NSD2: variants seen among roughly 807,000 people sequenced by gnomAD.
The protein encoded by NSD2 is histone-lysine N-methyltransferase NSD2.
A neutral mutation model predicts 139.0 loss-of-function variants in NSD2; 12 were observed. The ratio of observed to expected loss-of-function variants is 0.09; its 90% CI spans 0.06 to 0.14. The LOEUF (loss-of-function observed/expected upper bound fraction) is 0.14, where lower values mean the gene tolerates loss of function less well. Ranked by LOEUF, NSD2 falls within the 10% of genes least tolerant of loss-of-function variation. The pLI, the probability that NSD2 is intolerant of heterozygous loss-of-function variation, is 1.00. For synonymous variants in NSD2, 669 were observed against 648.7 expected, an observed-to-expected ratio of 1.03 and a Z score of -0.48; for missense variants, 1,155 against 1,745.0, an observed-to-expected ratio of 0.66 and a Z score of 6.02.
chr4:1,914,605 C>T (rs1055918391), intron 3 of NSD2, among the ~76,000 whole-genome samples: 2 of 151,522 alleles, frequency 1.3e-5, no homozygotes, highest in Non-Finnish European at 2.9e-5. Flanking sequence ...GGATTACAGG[C>T]GTGAGCCACT....
intron 3 of NSD2, among the ~76,000 whole-genome samples, chr4:1,904,889 G>A (rs1305069890): frequency 7.2e-5 from 11 of 152,158 alleles, no homozygotes; most frequent in Admixed American, 7.2e-4. Context: ...CCAACACTTT[G>A]GGAGGCCGAG....
rs571138999 is a variant in NSD2, at chr4:1,924,740, C to G, written c.1411-5886C>G. Among the ~76,000 whole-genome samples the G allele has an allele frequency of 1.5e-3, 220 of 148,550 alleles. 1 individual carries two copies. The highest frequency in any genetic ancestry group is 5.2e-3 in the African/African-American group (208 of 40,134). The stretch of plus-strand genomic sequence containing the variant: ...AGCCTGGGCAACACAGTGAGACTCT[C>G]ATCTCTACAAAAAAAAAAACAAAAC... On this transcript the variant is annotated intron_variant, in intron 5 of 21. Transcript: ENST00000508803.
At chr4:1,872,294 G>A (rs1463931132) in intron 1 of NSD2, among the ~76,000 whole-genome samples, 1 of 152,170 alleles carries the variant, frequency 6.6e-6, no homozygotes, top group Admixed American at 6.5e-5. Context: ...GATGCAGATT[G>A]ATAGTCCTTG....
chr4:1,938,371 C>G (rs375604703), intron 7 of NSD2, 80 bp from the exon 8 acceptor site: 5 of 1,025,908 alleles, frequency 4.9e-6, no homozygotes, highest in East Asian at 3.4e-5. Flanking sequence ...TTTTGTTGTT[C>G]TTTTTCTTTT....
intron 18 of NSD2, among the ~76,000 whole-genome samples, chr4:1,971,430 A>C (rs1161193544): frequency 1.3e-5 from 2 of 152,156 alleles, no homozygotes; most frequent in Non-Finnish European, 2.9e-5. Context: ...CTCTTAATTG[A>C]AGGCAGAGAT....
intron 3 of NSD2, among the ~76,000 whole-genome samples, chr4:1,907,954 C>A (rs1455784344): frequency 6.6e-6 from 1 of 152,074 alleles, no homozygotes; most frequent in East Asian, 1.9e-4. Context: ...GGCACTGTTA[C>A]CCCCAAATAC....
chr4:1,934,864 AAAAAAAAAAAAAAAAT>A (rs1441677944), intron 6 of NSD2, among the ~76,000 whole-genome samples: 40 of 95,088 alleles, frequency 4.2e-4, no homozygotes, highest in Middle Eastern at 5.4e-3. Context: ...AAAAAAAAAA[AAAAAAAAAAAAAAAAT>A]ATATATATAT....
Position 1,974,209 on chromosome 4 carries a change from G to A in NSD2, c.3373-654G>A, listed in dbSNP as rs1726817279. On this transcript the variant is annotated intron_variant, in intron 18 of 21. Transcript: ENST00000508803. This position sits in a 1 kb window ranked among gnomAD's most constrained non-coding sequence, Gnocchi z 4.0. The stretch of plus-strand genomic sequence containing the variant: ...GCATCCTTTGCTGGTTTTCGGTTGG[G>A]TGAGTCTTTTTTTTTTTTGAGACGG... Among the ~76,000 whole-genome samples the A allele has an allele frequency of 6.6e-6, 1 of 151,612 alleles. No homozygotes were observed. Among genetic ancestry groups the A allele is most frequent in the Admixed American group, 6.6e-5 (1 of 15,228 alleles).
In NSD2 at chr4:1,972,300, T is replaced by C. The variant is rs536310845; in HGVS notation, c.3373-2563T>C. On this transcript the variant is annotated intron_variant, in intron 18 of 21. Transcript: ENST00000508803. The surrounding 1 kb of genome is among the most constrained non-coding windows in gnomAD (Gnocchi z 4.0). ...TGGATGAGTGGCGGTACAGGCTATGTCTCAGCTGGGAAAGGAGAGGCTGTG... is the reference window on the plus strand; with the variant it reads ...TGGATGAGTGGCGGTACAGGCTATGCCTCAGCTGGGAAAGGAGAGGCTGTG... Among the ~76,000 whole-genome samples, 2 of 152,304 alleles carry C rather than the reference T, an allele frequency of 1.3e-5. No individual in the cohort carries two copies. Among genetic ancestry groups the C allele is most frequent in the East Asian group, 3.9e-4 (2 of 5,180 alleles).
At chr4:1,940,577 A>C in intron 9 of NSD2, 1 of 1,063,590 alleles carries the variant, frequency 9.4e-7, no homozygotes, top group Non-Finnish European at 1.1e-6. Context: ...TGGAGTTTTA[A>C]TTTCTTGTTA....
chr4:1,927,366 A>T (rs1330179096), intron 5 of NSD2, among the ~76,000 whole-genome samples: 3 of 152,132 alleles, frequency 2.0e-5, no homozygotes, highest in South Asian at 4.1e-4. Flanking sequence ...GTCGTCTTGG[A>T]GGGTGGATAC....
chr4:1,888,257 C>T (rs531787658), intron 1 of NSD2, among the ~76,000 whole-genome samples: 2 of 151,854 alleles, frequency 1.3e-5, no homozygotes, highest in South Asian at 2.1e-4. Context: ...ACTAAAAATA[C>T]AAAAATTAGC....
Position 1,887,903 on chromosome 4 carries a change from CT to C in NSD2, c.-29-12716del, listed in dbSNP as rs928214666. Among the ~76,000 whole-genome samples the C allele has an allele frequency of 5.4e-3, 817 of 151,410 alleles. 5 individuals are homozygous for C. Among genetic ancestry groups the C allele is most frequent in the African/African-American group, 0.019 (786 of 41,124 alleles). ...TCAGTTACACTAGATCTGTCAGTTC[CT>C]TTTTTTCTTTTTTTTTTCTTCTGTG... On this transcript the variant is annotated intron_variant, in intron 1 of 21. Transcript: ENST00000508803.
At chr4:1,943,489 G>A (rs1306155929) in intron 9 of NSD2, 3 of 1,046,630 alleles carry the variant, frequency 2.9e-6, no homozygotes, top group East Asian at 5.6e-5. Flanking sequence ...CATGAAAAGT[G>A]GTCCTCTTGA....
At chr4:1,894,533 G>T (rs749746437) in intron 1 of NSD2, among the ~76,000 whole-genome samples, 53 of 152,016 alleles carry the variant, frequency 3.5e-4, no homozygotes, top group Non-Finnish European at 1.3e-4. Flanking sequence ...ATTAGCCAGT[G>T]TGGTGGTGCA....
intron 6 of NSD2, 117 bp downstream of exon 6, chr4:1,930,887 T>G: frequency 7.4e-7 from 1 of 1,355,200 alleles, no homozygotes; most frequent in Admixed American, 2.4e-5. Context: ...TTCTGACCCG[T>G]GGGGTTTGGG....
intron 1 of NSD2, among the ~76,000 whole-genome samples, chr4:1,892,551 C>T (rs775420062): frequency 6.6e-4 from 101 of 151,950 alleles, no homozygotes; most frequent in Non-Finnish European, 1.1e-3. Flanking sequence ...TCCTGTCCCC[C>T]TTAGAAAACC....
Position 1,900,749 on chromosome 4 carries a change from A to C in NSD2, c.95A>C (p.Asn32Thr). 1 of 1,614,192 alleles carries C rather than the reference A, an allele frequency of 6.2e-7. No individual in the cohort carries two copies. Among genetic ancestry groups the C allele is most frequent in the Non-Finnish European group, 8.5e-7 (1 of 1,180,036 alleles). The change falls in exon 2 of 22, where the codon AAC (asparagine) becomes ACC (threonine). Residue 32 changes from asparagine (N) to threonine (T), a missense_variant. By Grantham distance (65) the Asn-to-Thr change is moderately conservative. Around this residue, in one of 8 missense-constraint regions of NSD2, gnomAD observed 246 missense variants for 262.8 expected, o/e 0.94. Coordinates refer to ENST00000508803, the MANE Select transcript of NSD2 (RefSeq NM_001042424.3). ...KQAPEILGSA[N>T]GKTPSCEVNR... ...GCACCAGAAATCCTCGGCAGTGCCA[A>C]CGGGAAGACTCCGAGCTGCGAGGTG...
chr4:1,934,864 AAAAAAAAAAAAAAAATATATAT>A (rs1722128325), intron 6 of NSD2, among the ~76,000 whole-genome samples: 2 of 95,098 alleles, frequency 2.1e-5, no homozygotes, highest in South Asian at 4.2e-4. Context: ...AAAAAAAAAA[AAAAAAAAAAAAAAAATATATAT>A]ATATATATAT....
Sources: allele counts gnomAD v4.1 joint callset (sites outside exome capture counted in the v4.1 genomes callset), GRCh38; gene constraint gnomAD v4.1.1; regional missense constraint gnomAD v4.1.1; non-coding constraint Gnocchi (gnomAD v3.1); transcripts MANE v1.5; gene names NCBI Gene and HGNC (gene_info 2026-07-23, HGNC 2026-07-21).